Variants in PLA2G4A observed in about 807,000 individuals in gnomAD.
The protein encoded by PLA2G4A is cytosolic phospholipase A2.
Under a neutral mutation model 81.9 loss-of-function variants are expected in PLA2G4A, and 40 were observed. The observed-to-expected ratio is 0.49, with a 90% confidence interval of 0.38 to 0.64. PLA2G4A has a LOEUF of 0.64. Ranked by LOEUF, PLA2G4A falls within the 30% of genes least tolerant of loss-of-function variation. The pLI is 0.00. For missense variants in PLA2G4A, 715 were observed against 905.1 expected, an observed-to-expected ratio of 0.79 and a Z score of 2.69; for synonymous variants, 302 against 296.9, an observed-to-expected ratio of 1.02 and a Z score of -0.18.
At chr1:186,982,801 G>A (rs1040625186) in intron 17 of PLA2G4A, among the ~76,000 whole-genome samples, 6 of 152,014 alleles carry the variant, frequency 3.9e-5, no homozygotes, top group African/African-American at 7.2e-5. Context: ...TTTTGGGGCC[G>A]GGCGCCGTGG....
At chr1:186,837,729 T>C (rs911993526) in intron 1 of PLA2G4A, among the ~76,000 whole-genome samples, 1 of 62,518 alleles carries the variant, frequency 1.6e-5, no homozygotes, top group Non-Finnish European at 2.8e-5. Flanking sequence ...AGAGAGAGAC[T>C]CCGTCTCAAA....
chr1:186,971,358 T>C (rs574317439), intron 15 of PLA2G4A, among the ~76,000 whole-genome samples: 6 of 152,094 alleles, frequency 3.9e-5, no homozygotes, highest in South Asian at 2.1e-4. Flanking sequence ...GTAGTACATA[T>C]AGGCATTTCT....
At chr1:186,933,252 C>T (rs1655818642) in intron 8 of PLA2G4A, among the ~76,000 whole-genome samples, 1 of 152,080 alleles carries the variant, frequency 6.6e-6, no homozygotes, top group Non-Finnish European at 1.5e-5. Flanking sequence ...GATTTGTAGT[C>T]CTTCAGTGAA....
intron 15 of PLA2G4A, among the ~76,000 whole-genome samples, chr1:186,970,586 T>C (rs916734095): frequency 5.9e-5 from 9 of 152,098 alleles, no homozygotes; most frequent in Non-Finnish European, 1.3e-4. Flanking sequence ...TTTTTATATA[T>C]GTCAAGAGAC....
chr1:186,969,461 A>T (rs1174948498), intron 15 of PLA2G4A, among the ~76,000 whole-genome samples: 3 of 151,796 alleles, frequency 2.0e-5, no homozygotes, highest in Non-Finnish European at 4.4e-5. Flanking sequence ...ATTATTGTTA[A>T]CTATAGTTAC....
At chr1:186,873,427 G>C (rs61810972) in intron 3 of PLA2G4A, among the ~76,000 whole-genome samples, 41,194 of 151,962 alleles carry the variant, frequency 0.27, 7,066 homozygotes, top group Non-Finnish European at 0.4. Context: ...ATCCTCTTCT[G>C]TTGTTGATAG....
At chr1:186,933,120 T>G (rs1655813647) in intron 8 of PLA2G4A, among the ~76,000 whole-genome samples, 1 of 152,148 alleles carries the variant, frequency 6.6e-6, no homozygotes, top group Non-Finnish European at 1.5e-5. Context: ...TAAGCCACTT[T>G]GTAACTTAAA....
At chr1:186,862,674 A>C (rs1652857939) in intron 2 of PLA2G4A, among the ~76,000 whole-genome samples, 1 of 152,196 alleles carries the variant, frequency 6.6e-6, no homozygotes, top group Non-Finnish European at 1.5e-5. Flanking sequence ...TTTGAAAACC[A>C]TCTGTGCAAA....
chr1:186,911,751 A>G (rs1260438306), intron 7 of PLA2G4A, among the ~76,000 whole-genome samples: 1 of 152,160 alleles, frequency 6.6e-6, no homozygotes, highest in Non-Finnish European at 1.5e-5. Context: ...CAAAAGATAT[A>G]CACAGTAGAT....
At chr1:186,913,115 A>G (rs1406951328) in intron 7 of PLA2G4A, among the ~76,000 whole-genome samples, 4 of 151,370 alleles carry the variant, frequency 2.6e-5, no homozygotes, top group African/African-American at 9.7e-5. Context: ...GAGTTAAACA[A>G]TATTTAAAAT....
rs1424601588 is a variant in PLA2G4A, at chr1:186,939,167, T to C, written c.855T>C (p.Ser285=). The C allele has an allele frequency of 6.2e-7, 1 of 1,609,988 alleles. No individual in the cohort carries two copies. The highest frequency in any genetic ancestry group is 2.2e-5 in the East Asian group (1 of 44,782). ...AGTCTTTATGGAAGAAGAAAAGCTC[T>C]GGACAACCTGTCACCTTTACTGATA... ...YVESLWKKKS[S]GQPVTFTDIF... The change falls in exon 9 of 18, where the codon TCT becomes TCC. Residue 285 remains serine, a synonymous_variant. Transcript: ENST00000367466.
intron 13 of PLA2G4A, among the ~76,000 whole-genome samples, chr1:186,955,190 T>C (rs1656703343): frequency 6.6e-6 from 1 of 152,222 alleles, no homozygotes; most frequent in South Asian, 2.1e-4. Context: ...ATTGCTGAAT[T>C]TTAAAATGTT....
At chr1:186,935,531 T>G (rs182088883) in intron 8 of PLA2G4A, among the ~76,000 whole-genome samples, 16 of 150,846 alleles carry the variant, frequency 1.1e-4, no homozygotes, top group African/African-American at 3.9e-4. Context: ...AAAAAGAAGA[T>G]AGAAGGTAAA....
intron 15 of PLA2G4A, among the ~76,000 whole-genome samples, chr1:186,966,615 G>A (rs1335168167): frequency 6.6e-6 from 1 of 152,090 alleles, no homozygotes; most frequent in African/African-American, 2.4e-5. Context: ...AAAGAGAAAA[G>A]CTTCTGAATG....
intron 7 of PLA2G4A, among the ~76,000 whole-genome samples, chr1:186,921,442 G>A (rs1655345302): frequency 1.3e-5 from 2 of 152,210 alleles, no homozygotes; most frequent in South Asian, 4.1e-4. Context: ...GAGGTCAGCA[G>A]AGGTGAAAGG....
intron 5 of PLA2G4A, among the ~76,000 whole-genome samples, chr1:186,904,188 T>C (rs1461926434): frequency 6.6e-6 from 1 of 152,216 alleles, no homozygotes; most frequent in Non-Finnish European, 1.5e-5. Flanking sequence ...AAAGATGACA[T>C]TGCTGCTTTT....
Position 186,956,329 on chromosome 1 carries a change from G to C in PLA2G4A, c.1564G>C (p.Asp522His). The change falls in exon 14 of 18, where the codon GAT becomes CAT. Residue 522 changes from aspartate (D) to histidine (H), a missense_variant. Asp to His is a moderately conservative substitution (Grantham distance 81). Coordinates refer to ENST00000367466, the MANE Select transcript of PLA2G4A (RefSeq NM_024420.3). ...GGACTCCTTTGATGATGATGAACTG[G>C]ATGCAGCTGTAGCAGGTAAGTGTAC... ...TQDSFDDDEL[D>H]AAVADPDEFE... The C allele has an allele frequency of 6.2e-7, 1 of 1,613,778 alleles. No individual in the cohort carries two copies. The highest frequency in any genetic ancestry group is 1.6e-4 in the Middle Eastern group (1 of 6,062).
At chr1:186,958,450 G>A (rs1352361782) in intron 14 of PLA2G4A, among the ~76,000 whole-genome samples, 1 of 152,046 alleles carries the variant, frequency 6.6e-6, no homozygotes, top group African/African-American at 2.4e-5. Context: ...ATAGATTAAT[G>A]ATGATGAGCT....
At chr1:186,975,542 C>G (rs1657500964) in intron 15 of PLA2G4A, among the ~76,000 whole-genome samples, 1 of 152,190 alleles carries the variant, frequency 6.6e-6, no homozygotes, top group Non-Finnish European at 1.5e-5. Flanking sequence ...ATTTAATCCT[C>G]TCAGCAATCC....
Sources: gnomAD v4.1 joint callset for allele counts (sites outside exome capture counted in the v4.1 genomes callset) on GRCh38, gnomAD v4.1.1 for gene constraint, MANE v1.5 for transcripts, NCBI Gene and HGNC (gene_info 2026-07-23, HGNC 2026-07-21) for gene names.